The following GALNT13 variants were observed in gnomAD, a reference collection of about 807,000 sequenced individuals.
The protein encoded by GALNT13 is UDP-GalNAc:polypeptide N-acetylgalactosaminyltransferase 13.
A neutral mutation model predicts 64.2 loss-of-function variants in GALNT13; 28 were observed. The ratio of observed to expected loss-of-function variants is 0.44; its 90% CI spans 0.32 to 0.60. GALNT13 has a LOEUF of 0.60. Ranked by LOEUF, GALNT13 falls within the 20% of genes least tolerant of loss-of-function variation. The pLI is 0.05. For synonymous variants in GALNT13, 214 were observed against 224.6 expected (o/e 0.95, Z 0.42); for missense variants, 577 against 669.8 (o/e 0.86, Z 1.53).
rs920948603 is a variant in GALNT13 at position 154,451,405 on chromosome 2, A to G, written c.*854A>G. On this transcript the variant is annotated 3_prime_UTR_variant, in exon 13 of 13. Transcript: ENST00000392825. ...TCCCTTTTCTCTTCACTCTATAGAC[A>G]GTGGCATGCCATTGATGCTGTACAG... is the stretch of plus-strand genomic sequence containing the variant. 6.6e-5 allele frequency: 10 copies of G among 152,080 alleles called. No individual in the cohort carries two copies. The highest frequency in any genetic ancestry group is 1.9e-4 in the African/African-American group (8 of 41,430). The allele number at this position is 152,080 out of a possible 1,614,324, so 9.4% of individuals were successfully genotyped here. A position where few individuals can be genotyped will look rare whatever the true frequency, so the allele number is the denominator to read the frequency against.
intron 8 of GALNT13, chr2:154,287,187 CAG>C: frequency 6.8e-7 from 1 of 1,480,996 alleles, no homozygotes; most frequent in Admixed American, 1.7e-5. Context: ...CAGCAGGAAG[CAG>C]AGAGGGCCAG....
At chr2:153,786,055 C>T in the GALNT13 span, among the ~76,000 whole-genome samples, 3 of 151,908 alleles carry the variant, frequency 2.0e-5, no homozygotes, top group Non-Finnish European at 2.9e-5. Context: ...GTAACAGCGG[C>T]TCCAAATTCC....
chr2:153,171,364 C>A, the GALNT13 span, among the ~76,000 whole-genome samples: 1 of 151,870 alleles, frequency 6.6e-6, no homozygotes, highest in Admixed American at 6.6e-5. Flanking sequence ...AAGCATGTGA[C>A]ATAAAATTAT....
At chr2:154,268,592 A>C (rs1319308420) in intron 8 of GALNT13, among the ~76,000 whole-genome samples, 1 of 152,132 alleles carries the variant, frequency 6.6e-6, no homozygotes, top group African/African-American at 2.4e-5. Context: ...TTATACTTTA[A>C]TAAAGCTGTT....
the GALNT13 span, among the ~76,000 whole-genome samples, chr2:153,201,292 T>C: frequency 6.6e-6 from 1 of 152,206 alleles, no homozygotes; most frequent in Non-Finnish European, 1.5e-5. Context: ...TGTTTAAGTA[T>C]TTATTACCCA....
chr2:153,359,041 TTATC>T, the GALNT13 span, among the ~76,000 whole-genome samples: 2 of 152,288 alleles, frequency 1.3e-5, no homozygotes, highest in Non-Finnish European at 2.9e-5. Context: ...TTTTTATGAT[TTATC>T]TATTTTAATG....
intron 3 of GALNT13, among the ~76,000 whole-genome samples, chr2:154,127,678 A>G (rs1215167121): frequency 2.0e-5 from 3 of 149,900 alleles, no homozygotes; most frequent in Admixed American, 1.3e-4. Flanking sequence ...TCATACATAT[A>G]GTCATATATA....
chr2:154,225,865 C>T (rs1688592530), intron 4 of GALNT13, among the ~76,000 whole-genome samples: 1 of 152,012 alleles, frequency 6.6e-6, no homozygotes, highest in African/African-American at 2.4e-5. Flanking sequence ...GGCTGTCTGT[C>T]TAGATTTTTA....
chr2:154,271,922 C>T (rs1005563855), intron 8 of GALNT13, among the ~76,000 whole-genome samples: 6 of 151,528 alleles, frequency 4.0e-5, no homozygotes, highest in Admixed American at 2.6e-4. Flanking sequence ...GAATGGTACT[C>T]GCAAGACATC....
In GALNT13 at chr2:154,196,285, G is replaced by A. The variant is rs544714756; in HGVS notation, c.312-45745G>A. ...GAATTCAGATCAAACCATAGTCAGAGAACTCTGGGCTTTTTAATTCCTTTT... is the reference window on the plus strand; with the variant it reads ...GAATTCAGATCAAACCATAGTCAGAAAACTCTGGGCTTTTTAATTCCTTTT... On this transcript the variant is annotated intron_variant, in intron 4 of 12. Coordinates refer to ENST00000392825, the MANE Select transcript of GALNT13 (RefSeq NM_052917.4). 1.4e-4 allele frequency among the ~76,000 whole-genome samples: 21 copies of A among 151,406 alleles called. No homozygotes were observed. The South Asian group carries it at 4.4e-3, about 32-fold the overall frequency.
At chr2:153,452,300 A>G in the GALNT13 span, among the ~76,000 whole-genome samples, 3 of 152,200 alleles carry the variant, frequency 2.0e-5, no homozygotes, top group East Asian at 5.8e-4. Context: ...TAAAAATAAG[A>G]GAATATCCTG....
chr2:153,540,109 C>T, the GALNT13 span, among the ~76,000 whole-genome samples: 2 of 152,190 alleles, frequency 1.3e-5, no homozygotes, highest in African/African-American at 4.8e-5. Flanking sequence ...GGCCTGAAGG[C>T]CTACGAGGAA....
chr2:154,154,884 G>A (rs796648234), intron 4 of GALNT13, among the ~76,000 whole-genome samples: 22 of 151,424 alleles, frequency 1.5e-4, no homozygotes, highest in African/African-American at 4.9e-4. Context: ...TGACTTTAAT[G>A]TTTCAAATTG....
At chr2:153,364,403 G>GA in the GALNT13 span, among the ~76,000 whole-genome samples, 36 of 147,588 alleles carry the variant, frequency 2.4e-4, no homozygotes, top group African/African-American at 7.7e-4. Context: ...TCAGGCAAGA[G>GA]AAAAAAAAAA....
At chr2:154,395,024 T>C (rs984875677) in intron 9 of GALNT13, among the ~76,000 whole-genome samples, 4 of 152,222 alleles carry the variant, frequency 2.6e-5, no homozygotes, top group African/African-American at 9.6e-5. Context: ...TTGCTCTATT[T>C]TAGACAACAA....
intron 3 of GALNT13, among the ~76,000 whole-genome samples, chr2:154,078,743 T>C (rs1467262382): frequency 6.6e-6 from 1 of 151,568 alleles, no homozygotes; most frequent in Non-Finnish European, 1.5e-5. Flanking sequence ...TGATAGAGAA[T>C]TAATTACTGA....
intron 8 of GALNT13, among the ~76,000 whole-genome samples, chr2:154,264,891 A>G (rs1690903201): frequency 6.6e-6 from 1 of 151,694 alleles, no homozygotes; most frequent in Non-Finnish European, 1.5e-5. Flanking sequence ...AGAAAAAGGA[A>G]ATAATAAAGA....
At chr2:154,090,223 G>T (rs1519211) in intron 3 of GALNT13, among the ~76,000 whole-genome samples, 46,727 of 151,838 alleles carry the variant, frequency 0.31, 9,515 homozygotes, top group East Asian at 0.83. Flanking sequence ...ATGTTTATTG[G>T]AAATAAGGTG....
intron 4 of GALNT13, among the ~76,000 whole-genome samples, chr2:154,210,201 ATATT>A (rs1415138624): frequency 6.6e-6 from 1 of 152,178 alleles, no homozygotes; most frequent in African/African-American, 2.4e-5. Context: ...ATTCCATTGT[ATATT>A]TATACCACAT....
Sources: allele counts gnomAD v4.1 joint callset (sites outside exome capture counted in the v4.1 genomes callset), GRCh38; gene constraint gnomAD v4.1.1; transcripts MANE v1.5; gene names NCBI Gene and HGNC (gene_info 2026-07-23, HGNC 2026-07-21).